Variants in SSBP2 observed in about 807,000 individuals in gnomAD.
The protein encoded by SSBP2 is single-stranded DNA-binding protein 2.
A neutral mutation model predicts 61.8 loss-of-function variants in SSBP2; 17 were observed. The ratio of observed to expected loss-of-function variants is 0.28; its 90% CI spans 0.19 to 0.41. The LOEUF is 0.41. SSBP2 is among the 10% of genes least tolerant of loss of function. SSBP2 has a pLI of 1.00. For synonymous variants in SSBP2, 139 were observed against 141.3 expected (o/e 0.98, Z 0.12); for missense variants, 310 against 458.7 (o/e 0.68, Z 2.96).
intron 5 of SSBP2, among the ~76,000 whole-genome samples, chr5:81,511,202 C>T (rs1213348661): frequency 1.3e-5 from 2 of 152,200 alleles, no homozygotes; most frequent in African/African-American, 2.4e-5. Context: ...TAACTATGCA[C>T]CTCCCAAGAT....
At chr5:81,426,785 C>T (rs1331937621) in intron 16 of SSBP2, among the ~76,000 whole-genome samples, 2 of 152,144 alleles carry the variant, frequency 1.3e-5, no homozygotes, top group Non-Finnish European at 1.5e-5. Flanking sequence ...TCACTAATGA[C>T]AAATCTGGGA....
chr5:81,703,852 C>T (rs1754173063), intron 1 of SSBP2, among the ~76,000 whole-genome samples: 1 of 151,996 alleles, frequency 6.6e-6, no homozygotes, highest in Non-Finnish European at 1.5e-5. Context: ...TTTCATTGTA[C>T]CCACTAACAA....
chr5:81,517,239 C>T (rs1363642443), intron 4 of SSBP2, among the ~76,000 whole-genome samples: 1 of 152,048 alleles, frequency 6.6e-6, no homozygotes, highest in African/African-American at 2.4e-5. Context: ...GCAGATATAA[C>T]AATATTATCA....
chr5:81,517,154 TAA>T (rs1580894704), intron 4 of SSBP2, among the ~76,000 whole-genome samples: 1 of 152,084 alleles, frequency 6.6e-6, no homozygotes, highest in Non-Finnish European at 1.5e-5. Context: ...AGCTCTCTCT[TAA>T]AAGAGAAAAA....
intron 10 of SSBP2, among the ~76,000 whole-genome samples, chr5:81,458,724 T>C (rs1290308408): frequency 6.6e-6 from 1 of 152,236 alleles, no homozygotes; most frequent in African/African-American, 2.4e-5. Context: ...TCAACATAAT[T>C]TGGATAAGTT....
chr5:81,669,867 G>A (rs147946240), intron 1 of SSBP2, among the ~76,000 whole-genome samples: 2 of 152,034 alleles, frequency 1.3e-5, no homozygotes, highest in South Asian at 2.1e-4. Flanking sequence ...GAAAAGACAC[G>A]GAGGAAACTT....
At chr5:81,549,331 C>G (rs1771997968) in intron 4 of SSBP2, among the ~76,000 whole-genome samples, 1 of 152,146 alleles carries the variant, frequency 6.6e-6, no homozygotes, top group Non-Finnish European at 1.5e-5. Context: ...TCAAATATTG[C>G]TGCTGTGATC....
At chr5:81,573,094 T>TA (rs1427023935) in intron 4 of SSBP2, among the ~76,000 whole-genome samples, 1 of 152,254 alleles carries the variant, frequency 6.6e-6, no homozygotes, top group Admixed American at 6.5e-5. Flanking sequence ...CATGGATACT[T>TA]AAATTGTTTG....
At chr5:81,501,673 T>C (rs1038365405) in intron 5 of SSBP2, among the ~76,000 whole-genome samples, 4 of 150,346 alleles carry the variant, frequency 2.7e-5, no homozygotes, top group Non-Finnish European at 5.9e-5. Flanking sequence ...CGCCATTCTC[T>C]CGCCTCAGCC....
intron 4 of SSBP2, among the ~76,000 whole-genome samples, chr5:81,536,217 T>C (rs1037970015): frequency 7.9e-5 from 12 of 152,124 alleles, no homozygotes; most frequent in Admixed American, 2.6e-4. Context: ...AATATGTAGA[T>C]CAATTACAAC....
chr5:81,662,291 C>A (rs1462299956), intron 1 of SSBP2, among the ~76,000 whole-genome samples: 1 of 151,980 alleles, frequency 6.6e-6, no homozygotes, highest in Non-Finnish European at 1.5e-5. Flanking sequence ...GATAGTGAAA[C>A]CCTGTCTCTA....
At chr5:81,566,930 T>G (rs189623195) in intron 4 of SSBP2, among the ~76,000 whole-genome samples, 6 of 152,262 alleles carry the variant, frequency 3.9e-5, no homozygotes, top group Admixed American at 3.9e-4. Flanking sequence ...GAGAGATGAT[T>G]TAGTGTATCT....
chr5:81,641,827 T>G (rs1306695770), intron 2 of SSBP2, among the ~76,000 whole-genome samples: 1 of 151,936 alleles, frequency 6.6e-6, no homozygotes, highest in Non-Finnish European at 1.5e-5. Context: ...AAGAATGAAA[T>G]ACAGCTACCT....
intron 4 of SSBP2, among the ~76,000 whole-genome samples, chr5:81,604,313 G>T (rs1388918456): frequency 6.8e-6 from 1 of 146,582 alleles, no homozygotes; most frequent in East Asian, 2.0e-4. Context: ...AAAACAACAA[G>T]ATTTTTCCTG....
chr5:81,478,908 G>A (rs1765781776), intron 6 of SSBP2, among the ~76,000 whole-genome samples: 1 of 152,098 alleles, frequency 6.6e-6, no homozygotes, highest in Non-Finnish European at 1.5e-5. Flanking sequence ...ACTGTTTCTA[G>A]TATATCTTTG....
rs189987733 is a variant in SSBP2 at position 81,625,817 on chromosome 5, C to G, written c.198-10260G>C. Reference sequence around the variant, plus strand: ...GGTGAATAAACATGCCAGATGTGTCCCAGAAGATGGAATGCTAACATAATT... The same window carrying G: ...GGTGAATAAACATGCCAGATGTGTCGCAGAAGATGGAATGCTAACATAATT... On this transcript the variant is annotated intron_variant, in intron 3 of 16. Coordinates refer to ENST00000320672, the MANE Select transcript of SSBP2 (RefSeq NM_012446.5). Among the ~76,000 whole-genome samples, 475 of 152,178 alleles carry G rather than the reference C, an allele frequency of 3.1e-3. 8 individuals are homozygous for G. The highest frequency in any genetic ancestry group is 8.2e-4 in the Non-Finnish European group (56 of 68,000).
intron 15 of SSBP2, among the ~76,000 whole-genome samples, chr5:81,437,192 T>C (rs1762726972): frequency 6.6e-6 from 1 of 152,142 alleles, no homozygotes; most frequent in African/African-American, 2.4e-5. Flanking sequence ...ACTAATAATG[T>C]ATAGTATGTC....
chr5:81,566,191 A>G (rs1056564286), intron 4 of SSBP2, among the ~76,000 whole-genome samples: 1 of 152,228 alleles, frequency 6.6e-6, no homozygotes, highest in Non-Finnish European at 1.5e-5. Flanking sequence ...ATAGCAGTCT[A>G]AACAACACTG....
At chr5:81,517,510 T>C (rs1769129549) in intron 4 of SSBP2, among the ~76,000 whole-genome samples, 1 of 151,832 alleles carries the variant, frequency 6.6e-6, no homozygotes, top group Non-Finnish European at 1.5e-5. Context: ...TATGGAACAA[T>C]TATTTGTTTT....
Sources: gnomAD v4.1 joint callset for allele counts (sites outside exome capture counted in the v4.1 genomes callset) on GRCh38, gnomAD v4.1.1 for gene constraint, MANE v1.5 for transcripts, NCBI Gene and HGNC (gene_info 2026-07-23, HGNC 2026-07-21) for gene names.